The following PLCXD2 variants were observed in gnomAD, a reference collection of about 807,000 sequenced individuals.
PLCXD2 encodes the protein phosphatidylinositol specific phospholipase C X domain containing 2, also known as PI-PLC X domain-containing protein 2.
Under a neutral mutation model 28.6 loss-of-function variants are expected in PLCXD2, and 21 were observed. The ratio of observed to expected loss-of-function variants is 0.73; its 90% confidence interval spans 0.52 to 1.06. The LOEUF is 1.06. PLCXD2 is among the 50% of genes least tolerant of loss of function. PLCXD2 has a pLI of 0.00. For missense variants in PLCXD2, 369 were observed against 376.7 expected (o/e 0.98, Z 0.17); for synonymous variants, 140 against 150.1 (o/e 0.93, Z 0.49).
At chr3:111,703,887 A>C (rs1941080863) in intron 1 of PLCXD2, among the ~76,000 whole-genome samples, 1 of 152,222 alleles carries the variant, frequency 6.6e-6, no homozygotes, top group Non-Finnish European at 1.5e-5. Context: ...CTCACTTGCA[A>C]AATTCAATTT....
chr3:111,701,461 A>G (rs1319595738), intron 1 of PLCXD2, among the ~76,000 whole-genome samples: 1 of 152,164 alleles, frequency 6.6e-6, no homozygotes, highest in Non-Finnish European at 1.5e-5. Context: ...TTTCCAGGCT[A>G]TAAGTAGGGG....
rs755917945 is a variant in PLCXD2 at position 111,714,032 on chromosome 3, G to A, written c.770G>A (p.Arg257Gln). 7 of 1,614,150 alleles carry A rather than the reference G, an allele frequency of 4.3e-6. No homozygotes were observed. The highest frequency in any genetic ancestry group is 2.7e-5 in the African/African-American group (2 of 75,026). Residue 257 changes from arginine to glutamine, a missense_variant, in exon 3 of 5, where the codon CGG becomes CAG. Physicochemically the swap from Arg to Gln is conservative, Grantham distance 43. Coordinates refer to ENST00000477665, the MANE Select transcript of PLCXD2 (RefSeq NM_001185106.1). ...ACCACTCTGAGTGAGCGGGCCTCAC[G>A]GGGCTCCTTCCATGTCTCCCAAGCG...
At chr3:111,710,629 A>G (rs1941187763) in intron 2 of PLCXD2, among the ~76,000 whole-genome samples, 1 of 152,184 alleles carries the variant, frequency 6.6e-6, no homozygotes, top group Admixed American at 6.5e-5. Context: ...AGGGGTATTT[A>G]GGCACATTGG....
chr3:111,714,266 G>T, intron 3 of PLCXD2, 138 bp downstream of exon 3: 1 of 1,186,142 alleles, frequency 8.4e-7, no homozygotes. Flanking sequence ...CTTTGTATTC[G>T]AGAAAACCAT....
chr3:111,685,394 A>C (rs1940780108), intron 1 of PLCXD2, among the ~76,000 whole-genome samples: 1 of 152,134 alleles, frequency 6.6e-6, no homozygotes, highest in South Asian at 2.1e-4. Flanking sequence ...GCATGAGTGT[A>C]GGAGTTAGCT....
At chr3:111,706,286 G>T (rs1249332682) in intron 1 of PLCXD2, among the ~76,000 whole-genome samples, 1 of 152,178 alleles carries the variant, frequency 6.6e-6, no homozygotes, top group African/African-American at 2.4e-5. Context: ...TTTGTAAGAT[G>T]AATAGTTTGT....
At chr3:111,678,054 G>A (rs944149081) in intron 1 of PLCXD2, among the ~76,000 whole-genome samples, 2 of 152,094 alleles carry the variant, frequency 1.3e-5, no homozygotes, top group Admixed American at 6.5e-5. Context: ...ATGAGGCGGG[G>A]GACATGGGAA....
intron 1 of PLCXD2, among the ~76,000 whole-genome samples, chr3:111,684,327 T>TA (rs1224720097): frequency 0.12 from 12,895 of 106,696 alleles, 841 homozygotes; most frequent in Non-Finnish European, 0.16. Context: ...AGACTCCATC[T>TA]AAAAAAAAAA....
At chr3:111,703,669 A>G (rs556723077) in intron 1 of PLCXD2, among the ~76,000 whole-genome samples, 5 of 152,252 alleles carry the variant, frequency 3.3e-5, no homozygotes, top group Non-Finnish European at 7.3e-5. Flanking sequence ...ACTATTCACC[A>G]TCTATATCTA....
chr3:111,680,393 C>G (rs767888244), intron 1 of PLCXD2, among the ~76,000 whole-genome samples: 1 of 151,816 alleles, frequency 6.6e-6, no homozygotes, highest in African/African-American at 2.4e-5. Context: ...ATCCATTTTC[C>G]TACAGGATTT....
chr3:111,714,015 G>A lies in PLCXD2; in HGVS notation c.753G>A (p.Leu251=), dbSNP rs1941235141. ...TAATCCTCTTCTTGGAGACCACTCT[G>A]AGTGAGCGGGCCTCACGGGGCTCCT... Residue 251 remains leucine, a synonymous_variant, in exon 3 of 5, where the codon CTG becomes CTA. Transcript: ENST00000477665. 1 of 1,613,992 alleles carries A rather than the reference G, an allele frequency of 6.2e-7. No individual in the cohort carries two copies. Among genetic ancestry groups the A allele is most frequent in the African/African-American group, 1.3e-5 (1 of 74,888 alleles).
Position 111,676,366 on chromosome 3 carries a change from G to GT in PLCXD2, c.163+966dup, listed in dbSNP as rs1003244829. On this transcript the variant is annotated intron_variant, in intron 1 of 4. Transcript: ENST00000477665. ...CCAAGTATTCCCTAGACCCGTCTGG[G>GT]TTTTTTTTGAGGTTTGGTTGGTTTT... is the stretch of plus-strand genomic sequence containing the variant. Among the ~76,000 whole-genome samples, 13 of 151,978 alleles carry GT rather than the reference G, an allele frequency of 8.6e-5. No homozygotes were observed. In the Middle Eastern group the frequency reaches 0.01, roughly 119 times the overall value.
chr3:111,681,823 C>T (rs1366650277), intron 1 of PLCXD2, among the ~76,000 whole-genome samples: 1 of 152,204 alleles, frequency 6.6e-6, no homozygotes, highest in Non-Finnish European at 1.5e-5. Context: ...ACCTGACCTC[C>T]ACTAGATTGA....
chr3:111,684,220 C>T (rs542954216), intron 1 of PLCXD2, among the ~76,000 whole-genome samples: 3 of 151,142 alleles, frequency 2.0e-5, no homozygotes, highest in Admixed American at 2.0e-4. Context: ...GTCCCAGCTA[C>T]TCGGGAGGCT....
chr3:111,713,086 A>G (rs989664571), intron 2 of PLCXD2, among the ~76,000 whole-genome samples: 1 of 152,182 alleles, frequency 6.6e-6, no homozygotes, highest in Non-Finnish European at 1.5e-5. Context: ...TTGAAAGTCT[A>G]TTTACCCACA....
chr3:111,697,362 G>C (rs1200424822), intron 1 of PLCXD2, among the ~76,000 whole-genome samples: 1 of 152,130 alleles, frequency 6.6e-6, no homozygotes, highest in Admixed American at 6.6e-5. Flanking sequence ...AATAAAACAA[G>C]CACACTCGAG....
intron 1 of PLCXD2, among the ~76,000 whole-genome samples, chr3:111,678,670 A>G (rs1245243035): frequency 6.6e-6 from 1 of 152,246 alleles, no homozygotes; most frequent in Non-Finnish European, 1.5e-5. Context: ...TTGAAGAAGT[A>G]TCTAAATTTC....
intron 3 of PLCXD2, among the ~76,000 whole-genome samples, chr3:111,715,460 G>T (rs1941255859): frequency 6.6e-6 from 1 of 152,148 alleles, no homozygotes; most frequent in Non-Finnish European, 1.5e-5. Context: ...GCAGAAACTG[G>T]CATGAAAATT....
rs1328398895 is a variant in PLCXD2, at chr3:111,708,255, T to A, written c.493T>A (p.Phe165Ile). Residue 165 changes from phenylalanine (F) to isoleucine (I), a missense_variant, in exon 2 of 5, where the codon TTC (phenylalanine) becomes ATC (isoleucine). Physicochemically the swap from Phe to Ile is conservative, Grantham distance 21. Transcript: ENST00000477665. The stretch of plus-strand genomic sequence containing the variant: ...GATTATCTTCCTGGATTTCAACCAC[T>A]TCTATGCCATGGATGAGACCCATCA... 6.2e-7 allele frequency: 1 copy of A among 1,613,974 alleles called. No individual in the cohort carries two copies. The highest frequency in any genetic ancestry group is 2.2e-5 in the East Asian group (1 of 44,884).
Sources: gnomAD v4.1 joint callset for allele counts (sites outside exome capture counted in the v4.1 genomes callset) on GRCh38, gnomAD v4.1.1 for gene constraint, MANE v1.5 for transcripts, NCBI Gene and HGNC (gene_info 2026-07-23, HGNC 2026-07-21) for gene names.